The following TRHDE variants were observed in gnomAD, a reference collection of about 807,000 sequenced individuals.
TRHDE encodes the protein thyrotropin releasing hormone degrading enzyme, also known as thyrotropin-releasing hormone-degrading ectoenzyme.
TRHDE carries 72 observed loss-of-function variants against 125.7 expected under a neutral mutation model. The observed-to-expected ratio is 0.57, with a 90% CI of 0.47 to 0.70. The LOEUF (loss-of-function observed/expected upper bound fraction) is 0.70, where lower values mean the gene tolerates loss of function less well. Among genes scored for constraint, TRHDE ranks in the 30% least tolerant of loss-of-function variants. TRHDE has a pLI of 0.00. For synonymous variants in TRHDE, 509 were observed against 509.1 expected, an observed-to-expected ratio of 1.00 and a Z score of 0.00; for missense variants, 1,110 against 1,327.1, an observed-to-expected ratio of 0.84 and a Z score of 2.54.
At chr12:72,210,199 T>TATCTATCTATC (rs35245091) in intron 2 of TRHDE, among the ~76,000 whole-genome samples, 6,970 of 151,950 alleles carry the variant, frequency 0.046, 370 homozygotes, top group African/African-American at 0.13. Context: ...TCTATCTATC[T>TATCTATCTATC]ATCTATCTAC....
chr12:72,162,954 G>A (rs1411947588), intron 2 of TRHDE: 2 of 151,074 alleles, frequency 1.3e-5, no homozygotes, highest in Admixed American at 6.6e-5. Flanking sequence ...AAAGTGATAG[G>A]CTCAATATTT....
chr12:72,096,134 T>TATACACACACACACACACAC (rs1555218842), intron 1 of TRHDE, among the ~76,000 whole-genome samples: 20 of 145,196 alleles, frequency 1.4e-4, no homozygotes, highest in African/African-American at 4.6e-4. Flanking sequence ...CTTATGTGTA[T>TATACACACACACACACACAC]ACACACACAC....
At chr12:72,410,378 A>C (rs1342489907) in intron 3 of TRHDE, among the ~76,000 whole-genome samples, 1 of 152,176 alleles carries the variant, frequency 6.6e-6, no homozygotes, top group Non-Finnish European at 1.5e-5. Flanking sequence ...AAAAGAAGGA[A>C]CATTTCCCAA....
chr12:72,654,932 A>G (rs1034474302), intron 17 of TRHDE, among the ~76,000 whole-genome samples: 2 of 152,120 alleles, frequency 1.3e-5, no homozygotes, highest in African/African-American at 4.8e-5. Flanking sequence ...AGCAAATGTG[A>G]TATTTCCCTG....
chr12:72,185,205 G>A (rs1440813654), intron 2 of TRHDE, among the ~76,000 whole-genome samples: 1 of 152,236 alleles, frequency 6.6e-6, no homozygotes, highest in Non-Finnish European at 1.5e-5. Context: ...GGCTCCGGAG[G>A]GTGTACTGGG....
intron 2 of TRHDE, among the ~76,000 whole-genome samples, chr12:72,155,336 C>T (rs1318365340): frequency 2.0e-5 from 3 of 152,014 alleles, no homozygotes; most frequent in Non-Finnish European, 4.4e-5. Flanking sequence ...GCCATGGGTT[C>T]GAACTTCCTT....
At chr12:72,137,891 A>G (rs558293306) in intron 2 of TRHDE, among the ~76,000 whole-genome samples, 14 of 152,366 alleles carry the variant, frequency 9.2e-5, no homozygotes, top group African/African-American at 3.1e-4. Context: ...ATTCCACAGG[A>G]AAGACCTTGA....
intron 2 of TRHDE, among the ~76,000 whole-genome samples, chr12:72,143,219 G>A (rs557135839): frequency 1.3e-5 from 2 of 152,314 alleles, no homozygotes; most frequent in African/African-American, 4.8e-5. Flanking sequence ...AGGGATTTGA[G>A]CAGTGGGGTG....
chr12:72,179,586 C>G (rs944809542), intron 2 of TRHDE, among the ~76,000 whole-genome samples: 3 of 152,062 alleles, frequency 2.0e-5, no homozygotes, highest in Non-Finnish European at 4.4e-5. Flanking sequence ...ATACCACTTG[C>G]TTCATGAAGC....
rs544803325 is a variant in TRHDE at position 72,289,087 on chromosome 12, G to A, written c.1188+2133G>A. Among the ~76,000 whole-genome samples the A allele has an allele frequency of 4.5e-4, 69 of 151,918 alleles. 1 individual carries two copies. Among genetic ancestry groups the A allele is most frequent in the African/African-American group, 1.4e-3 (59 of 41,434 alleles). ...CACTGCCTTTCCCCTTTTATTATTCGGAGCATATGAGAATGACATTTCTCA... is the reference window on the plus strand; with the variant it reads ...CACTGCCTTTCCCCTTTTATTATTCAGAGCATATGAGAATGACATTTCTCA... On this transcript the variant is annotated intron_variant, in intron 2 of 18. Transcript: ENST00000261180.
intron 1 of TRHDE, among the ~76,000 whole-genome samples, chr12:72,102,941 G>C (rs1383069810): frequency 6.6e-6 from 1 of 152,206 alleles, no homozygotes; most frequent in African/African-American, 2.4e-5. Context: ...GTATCCAATG[G>C]CTTAACTAGG....
rs140303449 is a variant in TRHDE at position 72,367,928 on chromosome 12, G to T, written c.1189-10067G>T. On this transcript the variant is annotated intron_variant, in intron 2 of 18. Coordinates refer to ENST00000261180, the MANE Select transcript of TRHDE (RefSeq NM_013381.3). The stretch of plus-strand genomic sequence containing the variant: ...GAGAATAGCTCTGGCAAGTCAGAAG[G>T]TTTATTTAACTTAAAGTACCAAATT... Among the ~76,000 whole-genome samples the T allele has an allele frequency of 6.6e-4, 100 of 152,258 alleles. 1 individual carries two copies. The highest frequency in any genetic ancestry group is 3.5e-3 in the East Asian group (18 of 5,182).
At chr12:72,295,801 T>A (rs565529739) in intron 2 of TRHDE, among the ~76,000 whole-genome samples, 2 of 150,540 alleles carry the variant, frequency 1.3e-5, no homozygotes, top group South Asian at 2.1e-4. Flanking sequence ...ATTTTTTTTT[T>A]AAATCACGTT....
intron 2 of TRHDE, among the ~76,000 whole-genome samples, chr12:72,335,276 AC>A (rs1943484383): frequency 6.6e-6 from 1 of 152,194 alleles, no homozygotes; most frequent in Admixed American, 6.5e-5. Context: ...CAGGGAGTAC[AC>A]CCCATTATTA....
chr12:72,453,486 G>A (rs1013562141), intron 3 of TRHDE, among the ~76,000 whole-genome samples: 3 of 152,128 alleles, frequency 2.0e-5, no homozygotes, highest in African/African-American at 7.2e-5. Flanking sequence ...TGTAAATTTT[G>A]GAAAATTTGC....
chr12:72,381,434 C>T (rs981264499), intron 3 of TRHDE, among the ~76,000 whole-genome samples: 1 of 144,072 alleles, frequency 6.9e-6, no homozygotes, highest in Non-Finnish European at 1.5e-5. Flanking sequence ...CTCGCTCTGT[C>T]GCCCAGGCTG....
intron 2 of TRHDE, among the ~76,000 whole-genome samples, chr12:72,264,952 A>G (rs1230828318): frequency 2.0e-5 from 3 of 151,614 alleles, no homozygotes; most frequent in Non-Finnish European, 4.4e-5. Flanking sequence ...GTTTCATTCA[A>G]TCAAGCAGCT....
rs1875181027 is a variant in TRHDE, at chr12:72,668,806, A to G, written c.*5611A>G. On this transcript the variant is annotated 3_prime_UTR_variant, in exon 19 of 19. Coordinates refer to ENST00000261180, the MANE Select transcript of TRHDE (RefSeq NM_013381.3). ...AATTAGTGGTATTCACTTGGATTCA[A>G]AACTCTGCAAACTGAAGCCTTATAT... 1.3e-5 allele frequency: 2 copies of G among 151,802 alleles called. No homozygotes were observed. Among genetic ancestry groups the G allele is most frequent in the African/African-American group, 4.8e-5 (2 of 41,404 alleles). 9.4% of individuals were successfully genotyped at this position (151,802 alleles called of 1,614,324 possible).
intron 2 of TRHDE, among the ~76,000 whole-genome samples, chr12:72,370,349 C>G (rs1363529075): frequency 1.3e-5 from 2 of 152,130 alleles, no homozygotes; most frequent in Non-Finnish European, 2.9e-5. Flanking sequence ...AACTCATGTC[C>G]TTTTATTTGT....
Sources: allele counts gnomAD v4.1 joint callset (sites outside exome capture counted in the v4.1 genomes callset), GRCh38; gene constraint gnomAD v4.1.1; transcripts MANE v1.5; gene names NCBI Gene and HGNC (gene_info 2026-07-23, HGNC 2026-07-21).